CAST: variants seen among roughly 807,000 people sequenced by gnomAD.
The protein encoded by CAST is calpastatin, also known as MIR583 host.
Under a neutral mutation model 119.6 loss-of-function variants are expected in CAST, and 76 were observed. That is an observed-to-expected ratio of 0.64 (90% CI 0.53 to 0.77). The LOEUF is 0.77. Ranked by LOEUF, CAST falls within the 30% of genes least tolerant of loss-of-function variation. CAST has a pLI of 0.00. For synonymous variants in CAST, 319 were observed against 331.6 expected (o/e 0.96, Z 0.41); for missense variants, 953 against 946.5 (o/e 1.01, Z -0.09).
At chr5:96,671,638 C>T (rs186503966) in intron 1 of CAST, among the ~76,000 whole-genome samples, 7 of 152,346 alleles carry the variant, frequency 4.6e-5, no homozygotes, top group African/African-American at 4.8e-5. Flanking sequence ...AGATGCCTGG[C>T]ACTGGGCCTA....
chr5:96,663,751 A>T (rs555254042), intron 1 of CAST, among the ~76,000 whole-genome samples: 1 of 152,192 alleles, frequency 6.6e-6, no homozygotes, highest in Admixed American at 6.5e-5. Flanking sequence ...TGAGAGAGGG[A>T]GGGAGAGAGA....
chr5:96,590,750 G>A (rs1474572668), intron 1 of CAST, among the ~76,000 whole-genome samples: 1 of 152,164 alleles, frequency 6.6e-6, no homozygotes. Flanking sequence ...TCCTTGCAAA[G>A]TTAAATAAGT....
the CAST span, among the ~76,000 whole-genome samples, chr5:96,018,439 T>C: frequency 7.6e-3 from 1,164 of 152,308 alleles, 15 homozygotes; most frequent in African/African-American, 0.027. Flanking sequence ...TCATTAATGC[T>C]GAAGTCAAAT....
At chr5:96,528,920 C>T (rs774095246), upstream of CAST, among the ~76,000 whole-genome samples, 34 of 152,116 alleles carry the variant, frequency 2.2e-4, no homozygotes, top group Non-Finnish European at 4.3e-4. Flanking sequence ...GTTTCTTCCC[C>T]GAAGAAGTGA....
chr5:96,467,741 G>A, the CAST span, among the ~76,000 whole-genome samples: 3 of 151,914 alleles, frequency 2.0e-5, no homozygotes, highest in Non-Finnish European at 2.9e-5. Flanking sequence ...ATAGCTGTTG[G>A]CGTGGATGTG....
At chr5:96,158,519 C>T in the CAST span, among the ~76,000 whole-genome samples, 320 of 152,096 alleles carry the variant, frequency 2.1e-3, no homozygotes, top group African/African-American at 7.2e-3. Context: ...TGATTAAAGT[C>T]GGGGGGAGGA....
the CAST span, among the ~76,000 whole-genome samples, chr5:96,496,694 T>C: frequency 6.6e-6 from 1 of 152,256 alleles, no homozygotes. Flanking sequence ...GTGAAACATC[T>C]ATTATCATCT....
chr5:96,671,223 T>C (rs1561456772), intron 1 of CAST, among the ~76,000 whole-genome samples: 1 of 152,174 alleles, frequency 6.6e-6, no homozygotes, highest in Non-Finnish European at 1.5e-5. Flanking sequence ...CTGTCTTCTA[T>C]GGCCTTGTCC....
the CAST span, among the ~76,000 whole-genome samples, chr5:96,295,784 T>C: frequency 6.6e-6 from 1 of 152,138 alleles, no homozygotes; most frequent in African/African-American, 2.4e-5. Flanking sequence ...TAAAGCAGAC[T>C]GCTTGTTTCA....
chr5:96,411,861 G>A, the CAST span, among the ~76,000 whole-genome samples: 4 of 152,188 alleles, frequency 2.6e-5, no homozygotes, highest in Non-Finnish European at 5.9e-5. Context: ...CCAGGCTGGA[G>A]TGCAATGCTG....
intron 1 of CAST, among the ~76,000 whole-genome samples, chr5:96,616,751 TATACACACACACACACAC>T (rs1378373350): frequency 3.4e-5 from 4 of 118,438 alleles, no homozygotes; most frequent in South Asian, 2.5e-4. Context: ...TCTCTATATA[TATACACACACACACACAC>T]ACACACACAC....
At chr5:96,447,636 G>A in the CAST span, among the ~76,000 whole-genome samples, 1 of 152,096 alleles carries the variant, frequency 6.6e-6, no homozygotes, top group African/African-American at 2.4e-5. Flanking sequence ...GGTTTACTTG[G>A]GAACACTTGG....
At chr5:96,274,779 A>G in the CAST span, among the ~76,000 whole-genome samples, 1 of 152,238 alleles carries the variant, frequency 6.6e-6, no homozygotes, top group Non-Finnish European at 1.5e-5. Flanking sequence ...ATGTTTCAAG[A>G]ATATTTAAGA....
At chr5:96,647,390 G>A (rs539902149) in intron 1 of CAST, among the ~76,000 whole-genome samples, 4 of 152,170 alleles carry the variant, frequency 2.6e-5, no homozygotes, top group Admixed American at 6.5e-5. Context: ...TTGTAAAACC[G>A]TTTTAGATTT....
chr5:96,254,663 T>G, the CAST span, among the ~76,000 whole-genome samples: 10 of 152,168 alleles, frequency 6.6e-5, no homozygotes, highest in African/African-American at 1.9e-4. Context: ...AAATGTGCTT[T>G]GAATTTTACT....
chr5:96,549,259 T>C (rs1002114419), intron 1 of CAST, among the ~76,000 whole-genome samples: 6 of 152,230 alleles, frequency 3.9e-5, no homozygotes, highest in African/African-American at 1.2e-4. Flanking sequence ...CTCAAAGGTA[T>C]GTTGGCATTT....
the CAST span, among the ~76,000 whole-genome samples, chr5:96,130,348 A>G: frequency 3.3e-5 from 5 of 152,032 alleles, no homozygotes; most frequent in Admixed American, 6.6e-5. Context: ...TCAAAAAACA[A>G]AGAAAGTCTG....
At chr5:96,035,522 G>A in the CAST span, among the ~76,000 whole-genome samples, 2 of 151,770 alleles carry the variant, frequency 1.3e-5, no homozygotes, top group African/African-American at 2.4e-5. Context: ...TTTTTAACAA[G>A]GAATCCTAAA....
At chr5:96,344,142 A>T in the CAST span, among the ~76,000 whole-genome samples, 1 of 152,184 alleles carries the variant, frequency 6.6e-6, no homozygotes, top group Non-Finnish European at 1.5e-5. Flanking sequence ...GTGTGTAGGA[A>T]GACTGGCCAA....
Sources: allele counts gnomAD v4.1 joint callset (sites outside exome capture counted in the v4.1 genomes callset), GRCh38; gene constraint gnomAD v4.1.1; transcripts MANE v1.5; gene names NCBI Gene and HGNC (gene_info 2026-07-23, HGNC 2026-07-21).